The following MAP4K5 variants were observed in gnomAD, a reference collection of about 807,000 sequenced individuals.
MAP4K5 encodes the protein MAPK/ERK kinase kinase kinase 5.
In MAP4K5, 82 loss-of-function variants were observed where a neutral mutation model predicts 135.6. The observed-to-expected ratio is 0.60, with a 90% confidence interval of 0.51 to 0.73. The LOEUF is 0.73. MAP4K5 is among the 30% of genes least tolerant of loss of function. The pLI is 0.00. For synonymous variants in MAP4K5, 347 were observed against 335.0 expected (o/e 1.04, Z -0.39); for missense variants, 907 against 1,010.9 (o/e 0.90, Z 1.39).
chr14:50,492,648 C>A (rs539239820), intron 3 of MAP4K5, among the ~76,000 whole-genome samples: 153 of 150,836 alleles, frequency 1.0e-3, no homozygotes, highest in Non-Finnish European at 1.7e-3. Context: ...AGTGAAAAAG[C>A]AACCTATAGG....
chr14:50,522,561 G>C (rs186503621), intron 2 of MAP4K5, among the ~76,000 whole-genome samples: 150 of 152,180 alleles, frequency 9.9e-4, no homozygotes, highest in African/African-American at 2.6e-3. Context: ...TATTTTCGCA[G>C]TGACCTTATA....
intron 2 of MAP4K5, among the ~76,000 whole-genome samples, chr14:50,510,804 A>G (rs897604362): frequency 1.2e-4 from 19 of 152,214 alleles, no homozygotes; most frequent in Non-Finnish European, 1.9e-4. Flanking sequence ...ACTATTGTTA[A>G]TGGTTTAGAG....
At chr14:50,511,996 A>G (rs535288210) in intron 2 of MAP4K5, among the ~76,000 whole-genome samples, 1 of 152,212 alleles carries the variant, frequency 6.6e-6, no homozygotes, top group Non-Finnish European at 1.5e-5. Context: ...ATTTGTCAAA[A>G]CCCATAGAAC....
chr14:50,491,525 G>A (rs1239647364), intron 3 of MAP4K5, among the ~76,000 whole-genome samples: 2 of 151,754 alleles, frequency 1.3e-5, no homozygotes, highest in South Asian at 2.1e-4. Flanking sequence ...TCAAACTCCC[G>A]ACTTCAGGTG....
intron 3 of MAP4K5, among the ~76,000 whole-genome samples, chr14:50,486,864 G>A (rs2037373625): frequency 6.6e-6 from 1 of 152,010 alleles, no homozygotes; most frequent in Admixed American, 6.6e-5. Context: ...AACATAGTGA[G>A]CCTCCCTCTC....
chr14:50,435,609 C>T (rs528780170), intron 26 of MAP4K5, among the ~76,000 whole-genome samples: 11 of 151,848 alleles, frequency 7.2e-5, no homozygotes, highest in African/African-American at 1.9e-4. Flanking sequence ...TGGACTCAAC[C>T]GATCTTCCCA....
chr14:50,534,829 A>G (rs897348189), upstream of MAP4K5, among the ~76,000 whole-genome samples: 1 of 152,274 alleles, frequency 6.6e-6, no homozygotes, highest in Non-Finnish European at 1.5e-5. Flanking sequence ...AATTTTAACA[A>G]GATCAGTGAA....
At chr14:50,455,702 T>C (rs1220603429) in intron 14 of MAP4K5, among the ~76,000 whole-genome samples, 1 of 152,112 alleles carries the variant, frequency 6.6e-6, no homozygotes, top group Non-Finnish European at 1.5e-5. Flanking sequence ...ATCATTCTAA[T>C]TAGCTCAAAT....
chr14:50,549,702 G>A (rs2038677811), intron 1 of MAP4K5, among the ~76,000 whole-genome samples: 1 of 152,118 alleles, frequency 6.6e-6, no homozygotes, highest in African/African-American at 2.4e-5. Flanking sequence ...CTGGGCATCA[G>A]AACAAACCAT....
intron 1 of MAP4K5, chr14:50,560,242 AC>A (rs767520234): frequency 1.3e-5 from 21 of 1,613,490 alleles, no homozygotes; most frequent in Non-Finnish European, 1.8e-5. Context: ...ACAGCGCCTC[AC>A]CGCCACCAGC....
Position 50,434,565 on chromosome 14 carries a change from C to A in MAP4K5, c.1993G>T (p.Asp665Tyr). The change falls in exon 28 of 33, where the codon GAT becomes TAT. Residue 665 changes from aspartate (D) to tyrosine (Y), a missense_variant. Coordinates refer to ENST00000682126, the MANE Select transcript of MAP4K5 (RefSeq NM_006575.6). ...MQKFMLIKHFDFPLPSPLNVF... is the reference protein window; with the variant it reads ...MQKFMLIKHFYFPLPSPLNVF... Reference sequence around the variant, plus strand: ...TTCAAAGGACTTGGCAAAGGAAAATCAAAGTGCTGCAAAAAAAATAAACAA... The same window carrying A: ...TTCAAAGGACTTGGCAAAGGAAAATAAAAGTGCTGCAAAAAAAATAAACAA... 1 of 1,576,214 alleles carries A rather than the reference C, an allele frequency of 6.3e-7. No homozygotes were observed. The highest frequency in any genetic ancestry group is 1.2e-5 in the South Asian group (1 of 85,740).
chr14:50,471,295 G>A (rs1329431060), intron 9 of MAP4K5, among the ~76,000 whole-genome samples: 1 of 151,908 alleles, frequency 6.6e-6, no homozygotes, highest in African/African-American at 2.4e-5. Flanking sequence ...GTTCATCAAG[G>A]GACACATTAT....
intron 17 of MAP4K5, 82 bp downstream of exon 17, chr14:50,445,997 T>G: frequency 3.3e-6 from 3 of 913,158 alleles, no homozygotes; most frequent in Non-Finnish European, 4.7e-6. Flanking sequence ...AAGAAAATTT[T>G]GAAAAAACTC....
At chr14:50,506,693 G>A (rs2037816891) in intron 2 of MAP4K5, among the ~76,000 whole-genome samples, 1 of 152,184 alleles carries the variant, frequency 6.6e-6, no homozygotes, top group African/African-American at 2.4e-5. Flanking sequence ...CAACTACTTT[G>A]TGATAAGTTC....
At chr14:50,458,347 C>T (rs1021394600) in intron 13 of MAP4K5, among the ~76,000 whole-genome samples, 4 of 152,104 alleles carry the variant, frequency 2.6e-5, no homozygotes, top group African/African-American at 9.7e-5. Flanking sequence ...GCATTTAATA[C>T]TGTTCAAGCA....
upstream of MAP4K5, among the ~76,000 whole-genome samples, chr14:50,535,894 A>T (rs552481835): frequency 6.6e-6 from 1 of 152,302 alleles, no homozygotes; most frequent in South Asian, 2.1e-4. Flanking sequence ...CATGAGGGCA[A>T]GTCTTTCCCA....
At chr14:50,536,185 CTGTAA>C (rs1372837728), upstream of MAP4K5, among the ~76,000 whole-genome samples, 1 of 152,240 alleles carries the variant, frequency 6.6e-6, no homozygotes, top group Non-Finnish European at 1.5e-5. Flanking sequence ...TGGCCCATGC[CTGTAA>C]TCCCAGCACT....
chr14:50,520,796 T>C (rs951030783), intron 2 of MAP4K5, among the ~76,000 whole-genome samples: 2 of 150,784 alleles, frequency 1.3e-5, no homozygotes, highest in Non-Finnish European at 2.9e-5. Context: ...ATTTGTATTG[T>C]AAGGTGGCTA....
intron 2 of MAP4K5, among the ~76,000 whole-genome samples, chr14:50,542,269 C>CG (rs1369493351): frequency 3.4e-5 from 1 of 29,018 alleles, no homozygotes; most frequent in East Asian, 1.1e-3. Flanking sequence ...CATCACACAC[C>CG]GGGGGCCTGT....
Sources: gnomAD v4.1 joint callset for allele counts (sites outside exome capture counted in the v4.1 genomes callset) on GRCh38, gnomAD v4.1.1 for gene constraint, MANE v1.5 for transcripts, NCBI Gene and HGNC (gene_info 2026-07-23, HGNC 2026-07-21) for gene names.